STPG2: variants seen among roughly 807,000 people sequenced by gnomAD.
STPG2 encodes sperm-tail PG-rich repeat-containing protein 2.
Under a neutral mutation model 54.2 loss-of-function variants are expected in STPG2, and 56 were observed. That is an observed-to-expected ratio of 1.03 (90% confidence interval 0.83 to 1.29). The LOEUF (loss-of-function observed/expected upper bound fraction) is 1.29. Ranked by LOEUF, STPG2 falls within the 50% of genes most tolerant of loss-of-function variation. The pLI is 0.00. For synonymous variants in STPG2, 200 were observed against 181.8 expected, an observed-to-expected ratio of 1.10 and a Z score of -0.81; for missense variants, 596 against 544.9, an observed-to-expected ratio of 1.09 and a Z score of -0.93.
At chr4:97,456,709 C>T (rs1018357496) in intron 4 of STPG2, among the ~76,000 whole-genome samples, 1 of 151,696 alleles carries the variant, frequency 6.6e-6, no homozygotes, top group Non-Finnish European at 1.5e-5. Context: ...TCCTGGCTAA[C>T]ATGGTGAAAC....
At chr4:97,613,324 T>G (rs928991070) in intron 10 of STPG2, among the ~76,000 whole-genome samples, 18 of 152,066 alleles carry the variant, frequency 1.2e-4, no homozygotes, top group Admixed American at 7.2e-4. Flanking sequence ...AGTGTGTGAT[T>G]GCGTGATTGT....
intron 3 of STPG2, among the ~76,000 whole-genome samples, chr4:98,118,350 C>A (rs1739579559): frequency 6.6e-6 from 1 of 151,874 alleles, no homozygotes; most frequent in Non-Finnish European, 1.5e-5. Context: ...AATCTCAACT[C>A]TTTTTTTTGC....
chr4:97,483,249 C>A (rs1278348052), intron 4 of STPG2, among the ~76,000 whole-genome samples: 2 of 151,638 alleles, frequency 1.3e-5, no homozygotes, highest in Non-Finnish European at 3.0e-5. Context: ...ATTCAATACA[C>A]ATGGCATAAA....
chr4:98,034,814 C>T (rs1736719892), intron 5 of STPG2, among the ~76,000 whole-genome samples: 1 of 152,152 alleles, frequency 6.6e-6, no homozygotes, highest in African/African-American at 2.4e-5. Flanking sequence ...ACCATCTGAT[C>T]TTTGACAAAC....
intron 8 of STPG2, among the ~76,000 whole-genome samples, chr4:97,904,883 G>T (rs1180559236): frequency 6.6e-6 from 1 of 152,174 alleles, no homozygotes; most frequent in African/African-American, 2.4e-5. Context: ...TGAATGAAAT[G>T]AAGTGAGAAG....
intron 8 of STPG2, among the ~76,000 whole-genome samples, chr4:97,901,003 A>G (rs1731156695): frequency 6.6e-6 from 1 of 151,960 alleles, no homozygotes; most frequent in Non-Finnish European, 1.5e-5. Flanking sequence ...AAATCAGGCA[A>G]CACTCAAAGA....
At chr4:98,050,558 C>G (rs1257102418) in intron 5 of STPG2, among the ~76,000 whole-genome samples, 1 of 152,132 alleles carries the variant, frequency 6.6e-6, no homozygotes, top group Non-Finnish European at 1.5e-5. Context: ...AGCCTCTGAC[C>G]ATACTCACAG....
chr4:97,565,786 C>T (rs1461038724), intron 10 of STPG2, among the ~76,000 whole-genome samples: 2 of 152,118 alleles, frequency 1.3e-5, no homozygotes, highest in African/African-American at 4.8e-5. Flanking sequence ...CTGATCGTTC[C>T]TCTGGAAGTT....
At position 98,021,268 on chromosome 4, in the gene STPG2, T is replaced by C. The variant is rs13147955; in HGVS notation, c.613-39950A>G. On this transcript the variant is annotated intron_variant, in intron 5 of 10. Transcript: ENST00000295268. ...AACATCTTCATTTCTGCCTTCATTT[T>C]GTTATTTACCCAGTAGTCATTCAGG... is the stretch of plus-strand genomic sequence containing the variant. Among the ~76,000 whole-genome samples, 12 of 121,630 alleles carry C rather than the reference T, an allele frequency of 9.9e-5. 2 individuals are homozygous for C. The highest frequency in any genetic ancestry group is 3.2e-4 in the African/African-American group (10 of 30,916). 79.8% of individuals were successfully genotyped at this position (121,630 alleles called of 152,430 possible). A position where few individuals can be genotyped will look rare whatever the true frequency, so the allele number is the denominator to read the frequency against.
intron 2 of STPG2, among the ~76,000 whole-genome samples, chr4:98,133,730 C>T (rs936267353): frequency 5.3e-5 from 8 of 152,102 alleles, no homozygotes; most frequent in African/African-American, 1.9e-4. Flanking sequence ...CTATATCGAT[C>T]ACTTCAACAA....
intron 9 of STPG2, among the ~76,000 whole-genome samples, chr4:97,821,629 G>C (rs1379514326): frequency 1.3e-5 from 2 of 152,222 alleles, no homozygotes; most frequent in East Asian, 3.9e-4. Flanking sequence ...TGGGCACCCA[G>C]GTTTTCTCAT....
intron 7 of STPG2, among the ~76,000 whole-genome samples, chr4:97,967,355 A>G (rs1251482792): frequency 6.6e-6 from 1 of 152,160 alleles, no homozygotes; most frequent in Admixed American, 6.5e-5. Context: ...GAGCACCCAG[A>G]TTCATAAAGC....
At chr4:97,998,291 C>A (rs998746645) in intron 5 of STPG2, among the ~76,000 whole-genome samples, 1 of 152,130 alleles carries the variant, frequency 6.6e-6, no homozygotes, top group African/African-American at 2.4e-5. Flanking sequence ...ACTCTCAGAG[C>A]CCAGAGCGTC....
intron 8 of STPG2, among the ~76,000 whole-genome samples, chr4:97,853,159 T>C (rs1050723562): frequency 6.6e-6 from 1 of 151,780 alleles, no homozygotes; most frequent in South Asian, 2.1e-4. Context: ...TGTATTTTTT[T>C]AGTACAGACG....
At chr4:98,043,435 T>C (rs974153651) in intron 5 of STPG2, among the ~76,000 whole-genome samples, 1 of 152,052 alleles carries the variant, frequency 6.6e-6, no homozygotes, top group Non-Finnish European at 1.5e-5. Flanking sequence ...TCTTTTGTGT[T>C]TTTTTGTATT....
chr4:97,770,554 T>C (rs1397446547), intron 9 of STPG2, among the ~76,000 whole-genome samples: 1 of 152,064 alleles, frequency 6.6e-6, no homozygotes, highest in African/African-American at 2.4e-5. Flanking sequence ...ATTAGAGGTT[T>C]TGAGAAAAAA....
At chr4:97,576,722 G>A (rs569156312) in intron 10 of STPG2, among the ~76,000 whole-genome samples, 1 of 152,032 alleles carries the variant, frequency 6.6e-6, no homozygotes, top group Non-Finnish European at 1.5e-5. Flanking sequence ...CAAAGCAACT[G>A]CAACAAAAAT....
intron 4 of STPG2, among the ~76,000 whole-genome samples, chr4:97,465,063 C>T (rs1016000147): frequency 6.6e-6 from 1 of 152,084 alleles, no homozygotes; most frequent in East Asian, 1.9e-4. Flanking sequence ...AGGATTCAGG[C>T]TAGGAGAACT....
In STPG2 at chr4:97,585,101, CAAAAAAAAA is replaced by C. The variant is rs60854805; in HGVS notation, c.1321-25993_1321-25985del. On this transcript the variant is annotated intron_variant, in intron 10 of 10. Coordinates refer to ENST00000295268, the MANE Select transcript of STPG2 (RefSeq NM_174952.3). ...ACCAGGAAAGGACATAAAATATTCT[CAAAAAAAAA>C]AAAAAAAAAAAAAACAAAACTACAA... Among the ~76,000 whole-genome samples the C allele has an allele frequency of 2.2e-4, 10 of 46,262 alleles. 1 individual carries two copies. Among genetic ancestry groups the C allele is most frequent in the African/African-American group, 7.4e-4 (6 of 8,076 alleles). 30.3% of individuals were successfully genotyped at this position (46,262 alleles called of 152,430 possible). A position where few individuals can be genotyped will look rare whatever the true frequency, so the allele number is the denominator to read the frequency against.
Sources: gnomAD v4.1 joint callset for allele counts (sites outside exome capture counted in the v4.1 genomes callset) on GRCh38, gnomAD v4.1.1 for gene constraint, MANE v1.5 for transcripts, NCBI Gene and HGNC (gene_info 2026-07-23, HGNC 2026-07-21) for gene names.